Variants in TMEM52B observed in about 807,000 individuals in gnomAD.
TMEM52B encodes the protein transmembrane protein 52B, also known as chromosome 12 open reading frame 59.
Under a neutral mutation model 16.1 loss-of-function variants are expected in TMEM52B, and 11 were observed. The observed-to-expected ratio is 0.68, with a 90% CI of 0.43 to 1.13. The LOEUF (loss-of-function observed/expected upper bound fraction) is 1.13, where lower values mean the gene tolerates loss of function less well. TMEM52B is among the 50% of genes most tolerant of loss of function. The probability of loss-of-function intolerance (pLI) is 0.00; values close to 1 mark genes in which losing one functional copy is unlikely to be tolerated. For missense variants in TMEM52B, 243 were observed against 230.4 expected (o/e 1.05, Z -0.35); for synonymous variants, 101 against 93.8 (o/e 1.08, Z -0.45).
At chr12:10,177,875 T>C (rs1948779431), upstream of TMEM52B, among the ~76,000 whole-genome samples, 1 of 151,432 alleles carries the variant, frequency 6.6e-6, no homozygotes, top group African/African-American at 2.4e-5. Context: ...AAATCATTCA[T>C]ACAGCATTCT....
At chr12:10,173,410 C>T (rs1948739828) in intron 1 of TMEM52B, among the ~76,000 whole-genome samples, 1 of 151,996 alleles carries the variant, frequency 6.6e-6, no homozygotes, top group Admixed American at 6.6e-5. Context: ...TATTGACAGC[C>T]TAATTAGGAT....
chr12:10,188,130 G>A (rs1948902841), intron 4 of TMEM52B, among the ~76,000 whole-genome samples: 1 of 151,984 alleles, frequency 6.6e-6, no homozygotes, highest in Non-Finnish European at 1.5e-5. Context: ...AAAATAGAAT[G>A]ATATGATGTG....
chr12:10,188,182 T>C (rs1306804022), intron 4 of TMEM52B, among the ~76,000 whole-genome samples: 2 of 152,150 alleles, frequency 1.3e-5, no homozygotes, highest in Admixed American at 1.3e-4. Flanking sequence ...CACTGTCATC[T>C]TAGGAAAAAA....
chr12:10,188,502 A>AAGAAAGGC (rs1948908849), intron 4 of TMEM52B, among the ~76,000 whole-genome samples: 2 of 95,534 alleles, frequency 2.1e-5, no homozygotes, highest in African/African-American at 6.8e-5. Context: ...GGAAGGAAGG[A>AAGAAAGGC]AGGAAGGAAG....
chr12:10,172,830 T>C (rs1948734728), intron 1 of TMEM52B, among the ~76,000 whole-genome samples: 1 of 152,194 alleles, frequency 6.6e-6, no homozygotes, highest in African/African-American at 2.4e-5. Flanking sequence ...AACATTGTTA[T>C]AGGAATTCAA....
At chr12:10,171,080 G>A (rs965998068) in intron 1 of TMEM52B, among the ~76,000 whole-genome samples, 7 of 152,088 alleles carry the variant, frequency 4.6e-5, no homozygotes, top group Admixed American at 1.3e-4. Context: ...GTAAAGAAAC[G>A]AATGACTATT....
chr12:10,178,096 A>G (rs1300862857), upstream of TMEM52B, among the ~76,000 whole-genome samples: 1 of 151,498 alleles, frequency 6.6e-6, no homozygotes, highest in Non-Finnish European at 1.5e-5. Context: ...GGGTTTCATC[A>G]TGTTCTCCAG....
intron 4 of TMEM52B, 66 bp downstream of exon 4, chr12:10,186,655 A>G (rs936547465): frequency 2.8e-6 from 4 of 1,447,382 alleles, no homozygotes; most frequent in Non-Finnish European, 3.7e-6. Context: ...AAAGGGTGCA[A>G]AGGTGTAGAA....
intron 1 of TMEM52B, among the ~76,000 whole-genome samples, chr12:10,173,851 T>C (rs566647070): frequency 7.8e-4 from 118 of 152,118 alleles, no homozygotes; most frequent in African/African-American, 2.6e-3. Flanking sequence ...GACTCAGTTA[T>C]TTTGGATGCC....
rs899421237 is a variant in TMEM52B, at chr12:10,190,236, G to A, written c.*96G>A. Reference sequence around the variant, plus strand: ...TTCTAACCCTCAGAAGTTTTAAGATGGCATCTAACACCATCATTCTATGGG... The same window carrying A: ...TTCTAACCCTCAGAAGTTTTAAGATAGCATCTAACACCATCATTCTATGGG... On this transcript the variant is annotated 3_prime_UTR_variant, in exon 5 of 5. Coordinates refer to ENST00000543484, the MANE Select transcript of TMEM52B (RefSeq NM_001384896.1). The A allele has an allele frequency of 2.0e-6, 3 of 1,472,108 alleles. No homozygotes were observed. Among genetic ancestry groups the A allele is most frequent in the African/African-American group, 2.8e-5 (2 of 71,704 alleles). The allele number at this position is 1,472,108 out of a possible 1,614,324, so 91.2% of individuals were successfully genotyped here.
At chr12:10,185,573 T>C (rs1948869965) in intron 3 of TMEM52B, among the ~76,000 whole-genome samples, 1 of 152,230 alleles carries the variant, frequency 6.6e-6, no homozygotes, top group South Asian at 2.1e-4. Context: ...TCGGAGTCTG[T>C]TCTAGAAATA....
intron 1 of TMEM52B, among the ~76,000 whole-genome samples, chr12:10,181,815 T>C (rs1591989542): frequency 1.3e-5 from 2 of 150,196 alleles, no homozygotes; most frequent in Non-Finnish European, 3.0e-5. Context: ...TCACTTGAGG[T>C]CAGGTGTTCG....
intron 4 of TMEM52B, among the ~76,000 whole-genome samples, chr12:10,188,527 AGGAAGGAAG>A (rs1948910647): frequency 7.9e-6 from 1 of 126,196 alleles, no homozygotes; most frequent in Non-Finnish European, 1.6e-5. Context: ...GAAGGAAGGA[AGGAAGGAAG>A]GAAAAGAAGA....
intron 4 of TMEM52B, among the ~76,000 whole-genome samples, chr12:10,189,201 TA>T (rs34922857): frequency 0.37 from 35,687 of 96,968 alleles, 5,079 homozygotes; most frequent in Middle Eastern, 0.5. Context: ...AGACACTGTC[TA>T]AAAAAAAAAA....
chr12:10,185,128 C>T (rs1032375325), intron 2 of TMEM52B, among the ~76,000 whole-genome samples: 1 of 152,172 alleles, frequency 6.6e-6, no homozygotes, highest in Non-Finnish European at 1.5e-5. Flanking sequence ...TCAGACAATG[C>T]CATCTATAGT....
intron 1 of TMEM52B, among the ~76,000 whole-genome samples, chr12:10,171,640 T>C (rs1948719002): frequency 6.6e-6 from 1 of 152,298 alleles, no homozygotes; most frequent in African/African-American, 2.4e-5. Flanking sequence ...GCTCTACCAC[T>C]TATTAGCTCC....
chr12:10,186,478 C>T lies in TMEM52B; in HGVS notation c.196C>T (p.Arg66Cys), dbSNP rs755716852. Reference sequence around the variant, plus strand: ...GTGTGGCCTGACGTCCCTGTGCTTCCGCTGCTGCTGTCTGAGCCGCCAGCA... The same window carrying T: ...GTGTGGCCTGACGTCCCTGTGCTTCTGCTGCTGCTGTCTGAGCCGCCAGCA... ...LLCGLTSLCF[R>C]CCCLSRQQNG... is the part of the protein sequence containing the mutation. The change falls in exon 4 of 5, where the codon CGC (arginine) becomes TGC (cysteine). Residue 66 changes from arginine (R) to cysteine (C), a missense_variant. Physicochemically the swap from Arg to Cys is radical, Grantham distance 180. Transcript: ENST00000543484. 3.3e-5 allele frequency: 54 copies of T among 1,612,510 alleles called. No homozygotes were observed. Among genetic ancestry groups the T allele is most frequent in the Non-Finnish European group, 4.2e-5 (49 of 1,178,772 alleles).
In TMEM52B at chr12:10,191,485, T is replaced by C. The variant is rs546724916; in HGVS notation, c.*1345T>C. 33 of 152,250 alleles carry C rather than the reference T, an allele frequency of 2.2e-4. No homozygotes were observed. The highest frequency in any genetic ancestry group is 7.9e-4 in the African/African-American group (33 of 41,534). 9.4% of individuals were successfully genotyped at this position (152,250 alleles called of 1,614,324 possible). On this transcript the variant is annotated 3_prime_UTR_variant, in exon 5 of 5. Transcript: ENST00000543484. ...ATCCGCCCACCTTGGCCTCCCAAAG[T>C]GCTGGAATTAGAGGCCTGACCCCCT...
chr12:10,185,384 A>G lies in TMEM52B; in HGVS notation c.137+16A>G. The G allele has an allele frequency of 6.3e-7, 1 of 1,590,994 alleles. No individual in the cohort carries two copies. The highest frequency in any genetic ancestry group is 8.6e-7 in the Non-Finnish European group (1 of 1,158,858). ...GGTATATATGGTAAGTTTCACTTATAATACCCAGAAAGACACTGTATTCCT... is the reference window on the plus strand; with the variant it reads ...GGTATATATGGTAAGTTTCACTTATGATACCCAGAAAGACACTGTATTCCT... On this transcript the variant is annotated intron_variant, in intron 3 of 4. Transcript: ENST00000543484.
Sources: gnomAD v4.1 joint callset for allele counts (sites outside exome capture counted in the v4.1 genomes callset) on GRCh38, gnomAD v4.1.1 for gene constraint, MANE v1.5 for transcripts, NCBI Gene and HGNC (gene_info 2026-07-23, HGNC 2026-07-21) for gene names.